Variants in MEF2A observed in about 807,000 individuals in gnomAD.
MEF2A encodes the protein myocyte enhancer factor 2A.
Under a neutral mutation model 55.8 loss-of-function variants are expected in MEF2A, and 28 were observed. The observed-to-expected ratio is 0.50, with a 90% confidence interval of 0.37 to 0.69. The LOEUF (loss-of-function observed/expected upper bound fraction) is 0.69, where lower values mean the gene tolerates loss of function less well. Ranked by LOEUF, MEF2A falls within the 30% of genes least tolerant of loss-of-function variation. MEF2A has a pLI of 0.00. For missense variants in MEF2A, 528 were observed against 626.2 expected (o/e 0.84, Z 1.67); for synonymous variants, 239 against 227.1 (o/e 1.05, Z -0.47).
intron 2 of MEF2A, among the ~76,000 whole-genome samples, chr15:99,618,306 G>A (rs2040544941): frequency 6.6e-6 from 1 of 152,106 alleles, no homozygotes; most frequent in Non-Finnish European, 1.5e-5. Flanking sequence ...TTATATTCTT[G>A]AAAATGTCAG....
At chr15:99,640,790 C>G (rs1026273228) in intron 3 of MEF2A, among the ~76,000 whole-genome samples, 1 of 152,084 alleles carries the variant, frequency 6.6e-6, no homozygotes, top group South Asian at 2.1e-4. Context: ...CTCAAGTGAT[C>G]CTCCCACCTG....
chr15:99,601,538 C>T (rs1384824474), intron 2 of MEF2A, among the ~76,000 whole-genome samples: 8 of 134,836 alleles, frequency 5.9e-5, no homozygotes, highest in African/African-American at 1.6e-4. Context: ...TTCGTTTTCA[C>T]GAGTAGGTGT....
At chr15:99,620,682 C>T (rs960921258) in intron 2 of MEF2A, among the ~76,000 whole-genome samples, 2 of 152,048 alleles carry the variant, frequency 1.3e-5, no homozygotes, top group Non-Finnish European at 2.9e-5. Flanking sequence ...AGTTTATTTT[C>T]CTTTGGGTAT....
intron 2 of MEF2A, among the ~76,000 whole-genome samples, chr15:99,602,636 T>G: frequency 6.9e-6 from 1 of 145,610 alleles, no homozygotes. Flanking sequence ...CACCTGGTGG[T>G]TGCCTGACAT....
Position 99,600,911 on chromosome 15 carries a change from C to T in MEF2A, c.-143+2400C>T, listed in dbSNP as rs898990103. 2.6e-5 allele frequency among the ~76,000 whole-genome samples: 4 copies of T among 152,206 alleles called. No individual in the cohort carries two copies. In the South Asian group the frequency reaches 8.3e-4, roughly 32 times the overall value. ...TATTTCTTTCTATGTAGTTTAGAAT[C>T]AGCTTCTTAATTTCTACAAAAAAAG... On this transcript the variant is annotated intron_variant, in intron 2 of 11. Coordinates refer to ENST00000557942, the MANE Select transcript of MEF2A (RefSeq NM_001319206.4).
intron 2 of MEF2A, among the ~76,000 whole-genome samples, chr15:99,611,619 C>G (rs887202778): frequency 1.6e-4 from 24 of 152,186 alleles, no homozygotes; most frequent in African/African-American, 5.8e-4. Context: ...CTGGCAGTTC[C>G]TCCAAAAGTT....
intron 7 of MEF2A, among the ~76,000 whole-genome samples, chr15:99,677,520 A>T (rs970448828): frequency 1.3e-5 from 2 of 152,174 alleles, no homozygotes; most frequent in African/African-American, 4.8e-5. Flanking sequence ...GAAGAAAATT[A>T]TCCAGAATTT....
chr15:99,625,501 C>T (rs1012999456), intron 2 of MEF2A, among the ~76,000 whole-genome samples: 1 of 152,054 alleles, frequency 6.6e-6, no homozygotes, highest in African/African-American at 2.4e-5. Flanking sequence ...GCTAGAGCTT[C>T]CATTACAGTG....
At chr15:99,641,455 G>C in intron 3 of MEF2A, among the ~76,000 whole-genome samples, 1 of 152,128 alleles carries the variant, frequency 6.6e-6, no homozygotes, top group Non-Finnish European at 1.5e-5. Context: ...CGGGCGCGTT[G>C]GCTCACACCT....
intron 9 of MEF2A, among the ~76,000 whole-genome samples, chr15:99,705,829 A>G (rs766535222): frequency 6.6e-6 from 1 of 152,230 alleles, no homozygotes; most frequent in Non-Finnish European, 1.5e-5. Flanking sequence ...CATAATTTAT[A>G]AAAAACAAAT....
intron 10 of MEF2A, among the ~76,000 whole-genome samples, 195 bp from the exon 11 acceptor site, chr15:99,710,439 C>T (rs1054191901): frequency 6.6e-6 from 1 of 152,220 alleles, no homozygotes; most frequent in Non-Finnish European, 1.5e-5. Flanking sequence ...TACGGGGTTT[C>T]ACCATGTTGT....
intron 4 of MEF2A, among the ~76,000 whole-genome samples, chr15:99,652,345 A>G (rs987022038): frequency 6.6e-5 from 10 of 152,320 alleles, no homozygotes; most frequent in African/African-American, 1.7e-4. Context: ...CGAGAATCCA[A>G]TGCTGCTGCT....
intron 8 of MEF2A, 88 bp downstream of exon 8, chr15:99,690,516 C>T (rs200037600): frequency 3.7e-5 from 41 of 1,101,632 alleles, no homozygotes; most frequent in Admixed American, 2.3e-5. Flanking sequence ...TTTTCTGTGC[C>T]ACCGTAGAAT....
At chr15:99,639,649 C>T (rs1258907267) in intron 3 of MEF2A, among the ~76,000 whole-genome samples, 1 of 152,170 alleles carries the variant, frequency 6.6e-6, no homozygotes, top group East Asian at 1.9e-4. Flanking sequence ...TTTCAAGTTG[C>T]TTTCCAAAGT....
chr15:99,571,452 C>T (rs750052932), intron 1 of MEF2A, among the ~76,000 whole-genome samples: 3 of 152,192 alleles, frequency 2.0e-5, no homozygotes, highest in Non-Finnish European at 2.9e-5. Context: ...GTTACTACTA[C>T]TGCTATTGCT....
chr15:99,674,338 C>T, intron 5 of MEF2A, 55 bp from the exon 6 acceptor site: 1 of 1,487,372 alleles, frequency 6.7e-7, no homozygotes, highest in Non-Finnish European at 9.1e-7. Context: ...TCAAAAGTTA[C>T]TTTGTAGATG....
chr15:99,584,763 A>G (rs1966842618), intron 1 of MEF2A, among the ~76,000 whole-genome samples: 2 of 152,146 alleles, frequency 1.3e-5, no homozygotes, highest in Non-Finnish European at 2.9e-5. Flanking sequence ...AATGTTATGG[A>G]ATTAGATAGT....
chr15:99,633,955 G>A (rs763300704), intron 3 of MEF2A, among the ~76,000 whole-genome samples: 1 of 152,142 alleles, frequency 6.6e-6, no homozygotes, highest in Non-Finnish European at 1.5e-5. Flanking sequence ...GTCCATAAGC[G>A]TAAAATGTTT....
chr15:99,686,645 T>G (rs1329407662), intron 7 of MEF2A, among the ~76,000 whole-genome samples: 1 of 152,212 alleles, frequency 6.6e-6, no homozygotes, highest in Non-Finnish European at 1.5e-5. Flanking sequence ...TCTCAGCTCT[T>G]AAGATTCTTC....
Sources: allele counts gnomAD v4.1 joint callset (sites outside exome capture counted in the v4.1 genomes callset), GRCh38; gene constraint gnomAD v4.1.1; transcripts MANE v1.5; gene names NCBI Gene and HGNC (gene_info 2026-07-23, HGNC 2026-07-21).